Variants in PCDHA1 observed in about 807,000 individuals in gnomAD.
The protein encoded by PCDHA1 is protocadherin alpha-1.
A neutral mutation model predicts 61.3 loss-of-function variants in PCDHA1; 42 were observed. The observed-to-expected ratio is 0.69, with a 90% CI of 0.54 to 0.89. The LOEUF (loss-of-function observed/expected upper bound fraction) is 0.89, where lower values mean the gene tolerates loss of function less well. Ranked by LOEUF, PCDHA1 falls within the 40% of genes least tolerant of loss-of-function variation. The probability of loss-of-function intolerance (pLI) is 0.00; values close to 1 mark genes in which losing one functional copy is unlikely to be tolerated. For synonymous variants in PCDHA1, 610 were observed against 553.8 expected (o/e 1.10, Z -1.43); for missense variants, 1,256 against 1,235.3 (o/e 1.02, Z -0.25).
intron 1 of PCDHA1, chr5:140,835,552 C>A (rs550090383): frequency 6.2e-7 from 1 of 1,613,824 alleles, no homozygotes; most frequent in Non-Finnish European, 8.5e-7. Flanking sequence ...TGCTCCCTGA[C>A]GCCCCGCGTT....
At chr5:141,004,168 C>T (rs2098156227) in intron 3 of PCDHA1, among the ~76,000 whole-genome samples, 1 of 152,226 alleles carries the variant, frequency 6.6e-6, no homozygotes, top group Admixed American at 6.5e-5. Context: ...GCAAAGCCAG[C>T]CAAGTGTCTT....
At chr5:140,863,032 G>T (rs781870887) in intron 1 of PCDHA1, 2 of 556,874 alleles carry the variant, frequency 3.6e-6, no homozygotes, top group East Asian at 9.4e-5. Context: ...CGCAACAGCT[G>T]CATCTGTCAG....
intron 1 of PCDHA1, among the ~76,000 whole-genome samples, chr5:140,881,608 C>T (rs1254695632): frequency 6.6e-6 from 1 of 152,154 alleles, no homozygotes; most frequent in Non-Finnish European, 1.5e-5. Flanking sequence ...ATATGATGTG[C>T]TTATTCAAAA....
intron 1 of PCDHA1, among the ~76,000 whole-genome samples, chr5:140,961,969 C>T (rs188846719): frequency 1.5e-4 from 23 of 151,904 alleles, no homozygotes; most frequent in African/African-American, 5.1e-4. Flanking sequence ...CTGCAACCTC[C>T]GCCTCCTGGG....
At chr5:140,808,592 C>T (rs868962455) in intron 1 of PCDHA1, 4 of 1,613,970 alleles carry the variant, frequency 2.5e-6, no homozygotes, top group Non-Finnish European at 2.5e-6. Flanking sequence ...GGAGAACAAC[C>T]CGCCGGGCTG....
intron 1 of PCDHA1, among the ~76,000 whole-genome samples, chr5:140,950,612 T>A (rs2094502401): frequency 6.6e-6 from 1 of 152,072 alleles, no homozygotes; most frequent in Non-Finnish European, 1.5e-5. Flanking sequence ...ATGATGTGCT[T>A]ATTTATGCTT....
At chr5:140,855,994 G>T in intron 1 of PCDHA1, 2 of 1,498,182 alleles carry the variant, frequency 1.3e-6, no homozygotes, top group South Asian at 1.3e-5. Flanking sequence ...ATGTCAGATC[G>T]TATGTGCGTT....
chr5:140,826,206 T>A (rs1768846872), intron 1 of PCDHA1, among the ~76,000 whole-genome samples: 1 of 152,236 alleles, frequency 6.6e-6, no homozygotes, highest in Non-Finnish European at 1.5e-5. Flanking sequence ...GGTCACATTT[T>A]AAAAAATCAA....
chr5:140,975,591 G>A (rs1421434713), intron 1 of PCDHA1, among the ~76,000 whole-genome samples: 1 of 152,198 alleles, frequency 6.6e-6, no homozygotes, highest in African/African-American at 2.4e-5. Flanking sequence ...GTCCCAGAGG[G>A]CAATTTGTTG....
chr5:140,835,567 T>C (rs2150238400), intron 1 of PCDHA1: 1 of 1,613,882 alleles, frequency 6.2e-7, no homozygotes, highest in South Asian at 1.1e-5. Flanking sequence ...CGCGTTCCCT[T>C]CAAGTTGGTG....
chr5:141,010,938 A>G lies in PCDHA1; in HGVS notation c.*1001A>G, dbSNP rs1210392691. ...TCAAAAGAGAATTCAGTCTACAGCC[A>G]TTTAAATGATCATTGCTGCTACAGA... On this transcript the variant is annotated 3_prime_UTR_variant, in exon 4 of 4. Coordinates refer to ENST00000504120, the MANE Select transcript of PCDHA1 (RefSeq NM_018900.4). 6 of 153,824 alleles carry G rather than the reference A, an allele frequency of 3.9e-5. No homozygotes were observed. Among genetic ancestry groups the G allele is most frequent in the African/African-American group, 1.4e-4 (6 of 41,470 alleles). The allele number at this position is 153,824 out of a possible 1,614,324, so 9.5% of individuals were successfully genotyped here. A position where few individuals can be genotyped will look rare whatever the true frequency, so the allele number is the denominator to read the frequency against.
At chr5:140,796,051 G>A (rs782621383) in intron 1 of PCDHA1, 7 of 1,614,196 alleles carry the variant, frequency 4.3e-6, no homozygotes, top group Non-Finnish European at 5.1e-6. Context: ...CTCAGAGAAC[G>A]CTTCCCTGGG....
intron 1 of PCDHA1, chr5:140,809,727 T>G: frequency 1.2e-6 from 1 of 813,498 alleles, no homozygotes; most frequent in South Asian, 1.9e-5. Flanking sequence ...TTATAGGACA[T>G]CAGAGCAATA....
chr5:140,927,929 C>G (rs762916391), intron 1 of PCDHA1: 1 of 1,614,208 alleles, frequency 6.2e-7, no homozygotes, highest in Non-Finnish European at 8.5e-7. Flanking sequence ...CTGACTCTTT[C>G]GAACCCAGTA....
rs369328632 is a variant in PCDHA1, at chr5:140,856,073, G to A, written c.2394+67389G>A. On this transcript the variant is annotated intron_variant, in intron 1 of 3. Transcript: ENST00000504120. ...GATGGTTTCCAGATGTAGCTGCCTG[G>A]GGGTCCAGTGTCTGCTGCTCTCGCT... The A allele has an allele frequency of 1.9e-6, 3 of 1,592,028 alleles. 1 individual carries two copies. Among genetic ancestry groups the A allele is most frequent in the Non-Finnish European group, 2.6e-6 (3 of 1,163,816 alleles).
chr5:140,901,712 GAT>G lies in PCDHA1; in HGVS notation c.2395-77236_2395-77235del, dbSNP rs1187367855. Among the ~76,000 whole-genome samples, 6 of 152,218 alleles carry G rather than the reference GAT, an allele frequency of 3.9e-5. No homozygotes were observed. In the East Asian group the frequency reaches 9.6e-4, roughly 24 times the overall value. ...TTTTGTAGTTCTATATACATTTTCA[GAT>G]TGTCTTTTCTATTTCTGTGAAGAAT... On this transcript the variant is annotated intron_variant, in intron 1 of 3. Coordinates refer to ENST00000504120, the MANE Select transcript of PCDHA1 (RefSeq NM_018900.4).
chr5:140,967,130 G>A (rs1554229204), intron 1 of PCDHA1: 1 of 1,612,184 alleles, frequency 6.2e-7, no homozygotes, highest in East Asian at 2.2e-5. Flanking sequence ...GCTCAGCTTG[G>A]AAGTGCTGGC....
chr5:140,999,537 C>G, intron 3 of PCDHA1, among the ~76,000 whole-genome samples: 1 of 152,266 alleles, frequency 6.6e-6, no homozygotes, highest in Non-Finnish European at 1.5e-5. Context: ...CTGGATATGA[C>G]AGCCAATGAA....
Position 140,802,045 on chromosome 5 carries a change from C to T in PCDHA1, c.2394+13361C>T, listed in dbSNP as rs781990436. Reference sequence around the variant, plus strand: ...AAGGATATCGCGTATTCTTTCAATACGGACATGTCAGCAGATATTCTGTCA... The same window carrying T: ...AAGGATATCGCGTATTCTTTCAATATGGACATGTCAGCAGATATTCTGTCA... On this transcript the variant is annotated intron_variant, in intron 1 of 3. Coordinates refer to ENST00000504120, the MANE Select transcript of PCDHA1 (RefSeq NM_018900.4). The T allele has an allele frequency of 1.2e-5, 20 of 1,614,022 alleles. No individual in the cohort carries two copies. The East Asian group carries it at 3.8e-4, about 31-fold the overall frequency.
Sources: allele counts gnomAD v4.1 joint callset (sites outside exome capture counted in the v4.1 genomes callset), GRCh38; gene constraint gnomAD v4.1.1; transcripts MANE v1.5; gene names NCBI Gene and HGNC (gene_info 2026-07-23, HGNC 2026-07-21).